Variants in AP1AR observed in about 807,000 individuals in gnomAD.
The protein encoded by AP1AR is adaptor related protein complex 1 associated regulatory protein.
Under a neutral mutation model 46.3 loss-of-function variants are expected in AP1AR, and 29 were observed. The observed-to-expected ratio is 0.63, with a 90% CI of 0.47 to 0.85. The LOEUF (loss-of-function observed/expected upper bound fraction) is 0.85, where lower values mean the gene tolerates loss of function less well. Ranked by LOEUF, AP1AR falls within the 40% of genes least tolerant of loss-of-function variation. AP1AR has a pLI of 0.00. For missense variants in AP1AR, 357 were observed against 356.3 expected (o/e 1.00, Z -0.02); for synonymous variants, 122 against 122.9 (o/e 0.99, Z 0.05).
At chr4:112,268,097 CTTTA>C in intron 9 of AP1AR, 43 bp from the exon 10 acceptor site, 1 of 1,476,676 alleles carries the variant, frequency 6.8e-7, no homozygotes, top group South Asian at 1.5e-5. Context: ...TTAAATATAG[CTTTA>C]TTATCTGTTC....
At chr4:112,243,083 G>A (rs919896355) in intron 1 of AP1AR, among the ~76,000 whole-genome samples, 3 of 151,984 alleles carry the variant, frequency 2.0e-5, no homozygotes, top group Non-Finnish European at 2.9e-5. Flanking sequence ...ATTACTTATC[G>A]CCTTCCTTTT....
At position 112,272,056 on chromosome 4, in the gene AP1AR, G is replaced by A. The variant is rs1187291280; in HGVS notation, c.*3647G>A. ...TGAAAAGAGGTCCGCTGCTTTAGTT[G>A]CATTTGGAGACAGTTACACAAATGA... is the stretch of plus-strand genomic sequence containing the variant. On this transcript the variant is annotated 3_prime_UTR_variant, in exon 10 of 10. Coordinates refer to ENST00000274000, the MANE Select transcript of AP1AR (RefSeq NM_018569.6). Among the ~76,000 whole-genome samples, 1 of 152,202 alleles carries A rather than the reference G, an allele frequency of 6.6e-6. No homozygotes were observed. Among genetic ancestry groups the A allele is most frequent in the Non-Finnish European group, 1.5e-5 (1 of 68,028 alleles).
chr4:112,249,261 A>G (rs1208866983), intron 1 of AP1AR, among the ~76,000 whole-genome samples: 1 of 151,814 alleles, frequency 6.6e-6, no homozygotes, highest in Non-Finnish European at 1.5e-5. Flanking sequence ...ATTGCACTCC[A>G]GCCTGGGCAA....
intron 7 of AP1AR, chr4:112,265,451 C>G (rs1578422661): frequency 2.6e-6 from 1 of 385,002 alleles, no homozygotes; most frequent in Non-Finnish European, 4.6e-6. Context: ...ACAAGTATCA[C>G]TACTCATTCA....
intron 9 of AP1AR, among the ~76,000 whole-genome samples, chr4:112,267,783 T>C (rs1376916756): frequency 6.6e-6 from 1 of 151,868 alleles, no homozygotes; most frequent in Non-Finnish European, 1.5e-5. Context: ...GGAAATGAAA[T>C]TATGTGGGTA....
intron 7 of AP1AR, 47 bp downstream of exon 7, chr4:112,265,114 T>G: frequency 6.8e-7 from 1 of 1,466,578 alleles, no homozygotes; most frequent in African/African-American, 1.4e-5. Context: ...TAGAACATTT[T>G]ATTGCGGTGT....
chr4:112,267,795 GAA>G (rs1726769711), intron 9 of AP1AR, among the ~76,000 whole-genome samples: 1 of 151,932 alleles, frequency 6.6e-6, no homozygotes, highest in Admixed American at 6.6e-5. Flanking sequence ...ATGTGGGTAG[GAA>G]AAGACTTTGG....
intron 1 of AP1AR, among the ~76,000 whole-genome samples, chr4:112,249,187 G>T (rs1306778944): frequency 6.6e-6 from 1 of 151,942 alleles, no homozygotes; most frequent in East Asian, 1.9e-4. Context: ...CCAGCTACTC[G>T]GGAGGCTGAG....
At chr4:112,237,646 G>A (rs1234839080) in intron 1 of AP1AR, among the ~76,000 whole-genome samples, 1 of 150,912 alleles carries the variant, frequency 6.6e-6, no homozygotes, top group Admixed American at 6.6e-5. Flanking sequence ...GTAGAGACAC[G>A]CAGGGTTTCA....
In AP1AR at chr4:112,268,426, C is replaced by G; in HGVS notation, c.*17C>G. 1 of 1,560,726 alleles carries G rather than the reference C, an allele frequency of 6.4e-7. No individual in the cohort carries two copies. The highest frequency in any genetic ancestry group is 1.4e-5 in the African/African-American group (1 of 73,438). ...ACTCGATAGGGTAAAATTGTGTGAC[C>G]TTGTTTATCAGTTATGACCAAATGT... On this transcript the variant is annotated 3_prime_UTR_variant, in exon 10 of 10. Transcript: ENST00000274000.
intron 1 of AP1AR, among the ~76,000 whole-genome samples, chr4:112,243,957 A>G (rs981064685): frequency 2.0e-5 from 3 of 152,134 alleles, no homozygotes; most frequent in African/African-American, 7.2e-5. Context: ...ATTGTCAGAT[A>G]TTTTTTCAAT....
intron 4 of AP1AR, among the ~76,000 whole-genome samples, chr4:112,260,206 G>A (rs1443644836): frequency 6.6e-6 from 1 of 152,126 alleles, no homozygotes; most frequent in Non-Finnish European, 1.5e-5. Flanking sequence ...GAGTATGTTG[G>A]TAAGAAAGTA....
intron 4 of AP1AR, among the ~76,000 whole-genome samples, chr4:112,260,237 C>A (rs1726380876): frequency 6.6e-6 from 1 of 152,012 alleles, no homozygotes; most frequent in Non-Finnish European, 1.5e-5. Context: ...GCCTTGGTGT[C>A]CATATTGGTT....
chr4:112,245,484 T>C (rs1372572187), intron 1 of AP1AR, among the ~76,000 whole-genome samples: 1 of 152,200 alleles, frequency 6.6e-6, no homozygotes, highest in Non-Finnish European at 1.5e-5. Context: ...GTTTAGATAC[T>C]TTACGTAATT....
chr4:112,236,575 A>T (rs930834307), intron 1 of AP1AR, among the ~76,000 whole-genome samples: 7 of 152,062 alleles, frequency 4.6e-5, no homozygotes, highest in African/African-American at 1.7e-4. Flanking sequence ...TAATTTTTGT[A>T]TTTTTAATAG....
At chr4:112,234,608 G>A (rs72894908) in intron 1 of AP1AR, among the ~76,000 whole-genome samples, 1 of 151,486 alleles carries the variant, frequency 6.6e-6, no homozygotes. Flanking sequence ...TAAGCATGTA[G>A]AGACAGATGG....
Position 112,271,742 on chromosome 4 carries a change from T to C in AP1AR, c.*3333T>C, listed in dbSNP as rs919423821. Among the ~76,000 whole-genome samples the C allele has an allele frequency of 1.3e-5, 2 of 152,140 alleles. No homozygotes were observed. Among genetic ancestry groups the C allele is most frequent in the Admixed American group, 1.3e-4 (2 of 15,266 alleles). On this transcript the variant is annotated 3_prime_UTR_variant, in exon 10 of 10. Transcript: ENST00000274000. ...TAACTTTGAGGTGTTCATAAGATATTTGGATGAAGATGTCAAGTAGGTGAT... is the reference window on the plus strand; with the variant it reads ...TAACTTTGAGGTGTTCATAAGATATCTGGATGAAGATGTCAAGTAGGTGAT...
At chr4:112,244,510 C>G (rs6855422) in intron 1 of AP1AR, among the ~76,000 whole-genome samples, 249 of 152,226 alleles carry the variant, frequency 1.6e-3, no homozygotes, top group African/African-American at 5.3e-3. Context: ...TTTCATGCCA[C>G]AGGATGAGAA....
rs1386579468 is a variant in AP1AR at position 112,271,128 on chromosome 4, T to G, written c.*2719T>G. Among the ~76,000 whole-genome samples, 2 of 152,188 alleles carry G rather than the reference T, an allele frequency of 1.3e-5. No homozygotes were observed. The highest frequency in any genetic ancestry group is 4.8e-5 in the African/African-American group (2 of 41,452). On this transcript the variant is annotated 3_prime_UTR_variant, in exon 10 of 10. Transcript: ENST00000274000. ...TGGCATGGTGCCGTGGCTACCTTGC[T>G]CACTGCACATAGTCCACGTAGGCAA...
Sources: gnomAD v4.1 joint callset for allele counts (sites outside exome capture counted in the v4.1 genomes callset) on GRCh38, gnomAD v4.1.1 for gene constraint, MANE v1.5 for transcripts, NCBI Gene and HGNC (gene_info 2026-07-23, HGNC 2026-07-21) for gene names.